The following INSRR variants were observed in gnomAD, a reference collection of about 807,000 sequenced individuals.
The protein encoded by INSRR is insulin receptor-related protein.
A neutral mutation model predicts 130.0 loss-of-function variants in INSRR; 114 were observed. The ratio of observed to expected loss-of-function variants is 0.88; its 90% confidence interval spans 0.75 to 1.02. The LOEUF is 1.02. Ranked by LOEUF, INSRR falls within the 50% of genes least tolerant of loss-of-function variation. INSRR has a pLI of 0.00. For synonymous variants in INSRR, 674 were observed against 705.2 expected, an observed-to-expected ratio of 0.96 and a Z score of 0.70; for missense variants, 1,657 against 1,735.2, an observed-to-expected ratio of 0.95 and a Z score of 0.80.
chr1:156,857,191 GTGTGTGTGTGTGTGTGTGTGTGT>G (rs1185698778), intron 1 of INSRR, among the ~76,000 whole-genome samples: 1 of 147,694 alleles, frequency 6.8e-6, no homozygotes, highest in African/African-American at 2.6e-5. Context: ...GTGTGTGTGT[GTGTGTGTGTGTGTGTGTGTGTGT>G]ATGTCTGAGC....
Position 156,851,682 on chromosome 1 carries a change from C to T in INSRR, c.1048G>A (p.Val350Met). ...AGGTTGAGGATGAGGCTTCCCTCCA[C>T]ATGCGTGCAGCCCACAAGATCCTGT... The part of the protein sequence containing the change: ...AAQDLVGCTH[V>M]EGSLILNLRQ... Residue 350 changes from valine (V) to methionine (M), a missense_variant, in exon 4 of 22, where the codon GTG (valine) becomes ATG (methionine). Physicochemically the swap from Val to Met is conservative, Grantham distance 21. Coordinates refer to ENST00000368195, the MANE Select transcript of INSRR (RefSeq NM_014215.3). 3 of 1,614,220 alleles carry T rather than the reference C, an allele frequency of 1.9e-6. No individual in the cohort carries two copies. The highest frequency in any genetic ancestry group is 1.7e-5 in the Admixed American group (1 of 60,028).
intron 1 of INSRR, among the ~76,000 whole-genome samples, chr1:156,857,045 A>G (rs989768621): frequency 6.6e-6 from 1 of 151,746 alleles, no homozygotes; most frequent in Non-Finnish European, 1.5e-5. Flanking sequence ...TCCAGGCCCC[A>G]TTCCTGATAG....
chr1:156,843,971 T>G (rs2102855954), intron 15 of INSRR, among the ~76,000 whole-genome samples: 2 of 152,304 alleles, frequency 1.3e-5, no homozygotes, highest in Middle Eastern at 6.8e-3. Flanking sequence ...CTTTTACTGA[T>G]AAAACCAGGA....
At chr1:156,852,506 T>C (rs1396815614) in intron 2 of INSRR, among the ~76,000 whole-genome samples, 1 of 152,234 alleles carries the variant, frequency 6.6e-6, no homozygotes, top group African/African-American at 2.4e-5. Context: ...CTAGGCCTGG[T>C]GCCCAGATCA....
chr1:156,854,431 GT>G lies in INSRR; in HGVS notation c.86-129del. 2 of 1,021,074 alleles carry G rather than the reference GT, an allele frequency of 2.0e-6. No homozygotes were observed. The highest frequency in any genetic ancestry group is 3.3e-5 in the South Asian group (2 of 60,706). The allele number at this position is 1,021,074 out of a possible 1,614,324, so 63.3% of individuals were successfully genotyped here. On this transcript the variant is annotated intron_variant, in intron 1 of 21. Transcript: ENST00000368195. The surrounding 1 kb of genome is among the most constrained non-coding windows in gnomAD (Gnocchi z 4.2). ...AGTGAGGAGCCGGGCTCTGCTCTGG[GT>G]GTGGGGTGGCCTCCTTCCTGGGCCC...
chr1:156,856,395 C>T (rs1655406159), intron 1 of INSRR, among the ~76,000 whole-genome samples: 1 of 152,128 alleles, frequency 6.6e-6, no homozygotes, highest in African/African-American at 2.4e-5. Flanking sequence ...ATGCCTGTTC[C>T]CTGAATTAAT....
At position 156,849,314 on chromosome 1, in the gene INSRR, A is replaced by C; in HGVS notation, c.1376T>G (p.Val459Gly). 1.2e-6 allele frequency: 2 copies of C among 1,613,386 alleles called. No individual in the cohort carries two copies. Among genetic ancestry groups the C allele is most frequent in the Non-Finnish European group, 1.7e-6 (2 of 1,179,912 alleles). ...GTTCTGCCGACCTCGCGTGCCTGTC[A>C]CCTCCTCCAGTCGGTAGATGTGTTC... ...CLEHIYRLEEVTGTRGRQNKA... is the reference protein window; with the variant it reads ...CLEHIYRLEEGTGTRGRQNKA... The change falls in exon 6 of 22, where the codon GTG becomes GGG. Residue 459 changes from valine to glycine, a missense_variant. Physicochemically the swap from Val to Gly is moderately radical, Grantham distance 109. Coordinates refer to ENST00000368195, the MANE Select transcript of INSRR (RefSeq NM_014215.3).
At position 156,849,353 on chromosome 1, in the gene INSRR, G is replaced by A. The variant is rs767047555; in HGVS notation, c.1337C>T (p.Pro446Leu). 2.5e-6 allele frequency: 4 copies of A among 1,613,882 alleles called. No individual in the cohort carries two copies. The highest frequency in any genetic ancestry group is 1.3e-5 in the African/African-American group (1 of 74,932). ...PVGKIYFAFN[P>L]RLCLEHIYRL... ...GTAGATGTGTTCCAAGCAGAGGCGC[G>A]GGTTGAAGGCGAAGTAGATCTTGCC... The change falls in exon 6 of 22, where the codon CCG (proline) becomes CTG (leucine). Residue 446 changes from proline to leucine, a missense_variant. Physicochemically the swap from Pro to Leu is moderately conservative, Grantham distance 98. Coordinates refer to ENST00000368195, the MANE Select transcript of INSRR (RefSeq NM_014215.3).
Position 156,855,181 on chromosome 1 carries a change from T to TATCTATCTATCTATC in INSRR, c.86-893_86-879dup, listed in dbSNP as rs750728217. ...CCTTCTCTGACCATCCAATTTTATC[T>TATCTATCTATCTATC]ATCTATCTATCTATCTATCTATCTA... On this transcript the variant is annotated intron_variant, in intron 1 of 21. Transcript: ENST00000368195. Among the ~76,000 whole-genome samples the TATCTATCTATCTATC allele has an allele frequency of 6.7e-3, 1,012 of 149,982 alleles. 5 individuals carry two copies. The highest frequency in any genetic ancestry group is 0.01 in the Non-Finnish European group (700 of 67,824).
At chr1:156,851,187 G>T in intron 5 of INSRR, 103 bp downstream of exon 5, 2 of 1,323,140 alleles carry the variant, frequency 1.5e-6, no homozygotes, top group Non-Finnish European at 2.2e-6. Context: ...CACGCCTAGT[G>T]AGTAGCAAAA....
In INSRR at chr1:156,842,251, C is replaced by A. The variant is rs1228357495; in HGVS notation, c.3258G>T (p.Gln1086His). 1.4e-5 allele frequency: 22 copies of A among 1,614,012 alleles called. No homozygotes were observed. Among genetic ancestry groups the A allele is most frequent in the Non-Finnish European group, 1.8e-5 (21 of 1,179,962 alleles). The change falls in exon 19 of 22, where the codon CAG becomes CAT. Residue 1086 changes from glutamine to histidine, a missense_variant. By Grantham distance (24) the Gln-to-His change is conservative. Coordinates refer to ENST00000368195, the MANE Select transcript of INSRR (RefSeq NM_014215.3). ...TTTGGATCATTTCCCCCAATGCTGG[C>A]TGTGGGAGCCCAGGGTTGTTCTAGA... ...PEAENNPGLP[Q>H]PALGEMIQMA...
intron 5 of INSRR, among the ~76,000 whole-genome samples, chr1:156,849,827 T>G (rs1445795030): frequency 6.6e-6 from 1 of 151,732 alleles, no homozygotes; most frequent in Non-Finnish European, 1.5e-5. Flanking sequence ...CCTTTCCAGC[T>G]GAGGTGTGGA....
Position 156,841,070 on chromosome 1 carries a change from G to A in INSRR, c.3697C>T (p.Pro1233Ser). 2 of 1,573,298 alleles carry A rather than the reference G, an allele frequency of 1.3e-6. No homozygotes were observed. Among genetic ancestry groups the A allele is most frequent in the Non-Finnish European group, 1.7e-6 (2 of 1,158,964 alleles). ...ELMSRCWQPN[P>S]RLRPSFTHIL... Reference sequence around the variant, plus strand: ...TGTGTGAAAGATGGGCGCAGGCGTGGGTTCGGCTGCCAGCAGCGGCTCATC... The same window carrying A: ...TGTGTGAAAGATGGGCGCAGGCGTGAGTTCGGCTGCCAGCAGCGGCTCATC... The change falls in exon 22 of 22, where the codon CCA becomes TCA. Residue 1233 changes from proline to serine, a missense_variant. Transcript: ENST00000368195.
chr1:156,849,232 G>A lies in INSRR; in HGVS notation c.1444+14C>T. ...GTGGCCGCGTGTCCACCGGCACTGGGGTTGGGGTCTCACAGGCGGCGCGGT... is the reference window on the plus strand; with the variant it reads ...GTGGCCGCGTGTCCACCGGCACTGGAGTTGGGGTCTCACAGGCGGCGCGGT... On this transcript the variant is annotated intron_variant, in intron 6 of 21. Coordinates refer to ENST00000368195, the MANE Select transcript of INSRR (RefSeq NM_014215.3). 2 of 1,612,902 alleles carry A rather than the reference G, an allele frequency of 1.2e-6. No homozygotes were observed. Among genetic ancestry groups the A allele is most frequent in the Non-Finnish European group, 1.7e-6 (2 of 1,179,734 alleles).
At position 156,858,962 on chromosome 1, in the gene INSRR, C is replaced by A; in HGVS notation, c.-341G>T. Reference sequence around the variant, plus strand: ...AGCAAAAGGCAGGCCGAGAGGCCAGCCAACCCTGAGGGCGGAGCAGCAGGC... The same window carrying A: ...AGCAAAAGGCAGGCCGAGAGGCCAGACAACCCTGAGGGCGGAGCAGCAGGC... On this transcript the variant is annotated 5_prime_UTR_variant, in exon 1 of 22. Coordinates refer to ENST00000368195, the MANE Select transcript of INSRR (RefSeq NM_014215.3). 1 of 285,020 alleles carries A rather than the reference C, an allele frequency of 3.5e-6. No individual in the cohort carries two copies. The highest frequency in any genetic ancestry group is 6.8e-6 in the Non-Finnish European group (1 of 146,410). The allele number at this position is 285,020 out of a possible 1,614,324, so 17.7% of individuals were successfully genotyped here. A position where few individuals can be genotyped will look rare whatever the true frequency, so the allele number is the denominator to read the frequency against.
Position 156,846,699 on chromosome 1 carries a change from T to G in INSRR, c.1630A>C (p.Asn544His), listed in dbSNP as rs867392196. 4.3e-6 allele frequency: 7 copies of G among 1,614,032 alleles called. No individual in the cohort carries two copies. The highest frequency in any genetic ancestry group is 1.6e-4 in the Middle Eastern group (1 of 6,084). Residue 544 changes from asparagine to histidine, a missense_variant, in exon 8 of 22, where the codon AAC becomes CAC. Coordinates refer to ENST00000368195, the MANE Select transcript of INSRR (RefSeq NM_014215.3). ...AGGGGCAGCTCCACATCCAGCAGGT[T>G]CCAGCTCTGGGTTCCACAAGCATCT... ...GPDACGTQSW[N>H]LLDVELPLSR...
rs377336783 is a variant in INSRR at position 156,849,383 on chromosome 1, G to A, written c.1307C>T (p.Pro436Leu). ...GAAGGCGAAGTAGATCTTGCCCACGGGAATGGTGAGCCCCGCGGCCACCCA... is the reference window on the plus strand; with the variant it reads ...GAAGGCGAAGTAGATCTTGCCCACGAGAATGGTGAGCCCCGCGGCCACCCA... Reference protein sequence around the residue: ...GSWVAAGLTIPVGKIYFAFNP... With the variant: ...GSWVAAGLTILVGKIYFAFNP... Residue 436 changes from proline to leucine, a missense_variant, in exon 6 of 22, where the codon CCC (proline) becomes CTC (leucine). By Grantham distance (98) the Pro-to-Leu change is moderately conservative. Transcript: ENST00000368195. The A allele has an allele frequency of 6.2e-7, 1 of 1,613,842 alleles. No individual in the cohort carries two copies. Among genetic ancestry groups the A allele is most frequent in the Non-Finnish European group, 8.5e-7 (1 of 1,180,006 alleles).
Position 156,858,564 on chromosome 1 carries a change from A to C in INSRR, c.58T>G (p.Leu20Val), listed in dbSNP as rs1655493780. Residue 20 changes from leucine to valine, a missense_variant, in exon 1 of 22, where the codon TTG becomes GTG. Physicochemically the swap from Leu to Val is conservative, Grantham distance 32 (BLOSUM62 1). Coordinates refer to ENST00000368195, the MANE Select transcript of INSRR (RefSeq NM_014215.3). ...TCTACTGTATCCAGGCCAAATCCCA[A>C]GGAGAGGAAGATCACAGGCAGGCAT... ...GACLPVIFLS[L>V]GFGLDTVEVC... The C allele has an allele frequency of 6.2e-7, 1 of 1,613,896 alleles. No individual in the cohort carries two copies. Among genetic ancestry groups the C allele is most frequent in the African/African-American group, 1.3e-5 (1 of 74,904 alleles).
chr1:156,851,526 C>T, intron 4 of INSRR, 92 bp from the exon 5 acceptor site: 1 of 1,599,022 alleles, frequency 6.3e-7, no homozygotes, highest in South Asian at 1.1e-5. Flanking sequence ...GGAAGGTGGG[C>T]CCTCAGGACT....
Sources: gnomAD v4.1 joint callset for allele counts (sites outside exome capture counted in the v4.1 genomes callset) on GRCh38, gnomAD v4.1.1 for gene constraint, Gnocchi (gnomAD v3.1) non-coding constraint, MANE v1.5 for transcripts, NCBI Gene and HGNC (gene_info 2026-07-23, HGNC 2026-07-21) for gene names.